Variants in RGS7 observed in about 807,000 individuals in gnomAD.
RGS7 encodes the protein regulator of G protein signaling 7.
In RGS7, 27 loss-of-function variants were observed where a neutral mutation model predicts 81.1. That is an observed-to-expected ratio of 0.33 (90% CI 0.25 to 0.46). The LOEUF (loss-of-function observed/expected upper bound fraction) is 0.46, where lower values mean the gene tolerates loss of function less well. RGS7 is among the 20% of genes least tolerant of loss of function. The pLI, the probability that RGS7 is intolerant of heterozygous loss-of-function variation, is 1.00. For missense variants in RGS7, 396 were observed against 607.4 expected (o/e 0.65, Z 3.66); for synonymous variants, 208 against 207.7 (o/e 1.00, Z -0.01).
chr1:241,356,117 C>G (rs1392759795), intron 1 of RGS7, among the ~76,000 whole-genome samples: 1 of 152,050 alleles, frequency 6.6e-6, no homozygotes, highest in Non-Finnish European at 1.5e-5. Context: ...CCTAAAAACT[C>G]GTGGGTAGCA....
At chr1:241,259,667 A>AAAAATATATATATAT in intron 2 of RGS7, among the ~76,000 whole-genome samples, 10 of 49,142 alleles carry the variant, frequency 2.0e-4, no homozygotes, top group African/African-American at 7.9e-4. Context: ...AAAAAAAAAA[A>AAAAATATATATATAT]ATATATATAT....
At chr1:240,864,955 A>ATT (rs71568972) in intron 9 of RGS7, among the ~76,000 whole-genome samples, 5 of 145,702 alleles carry the variant, frequency 3.4e-5, no homozygotes, top group South Asian at 2.2e-4. Context: ...TCCATATTCC[A>ATT]TTTTTTTTTT....
chr1:241,078,299 CTCTG>C (rs1442947417), intron 3 of RGS7, among the ~76,000 whole-genome samples: 16 of 122,890 alleles, frequency 1.3e-4, no homozygotes, highest in East Asian at 4.6e-4. Flanking sequence ...TGCTTCTGGT[CTCTG>C]TGTGTGTGTG....
chr1:241,349,313 TA>T (rs1418193438), intron 2 of RGS7, among the ~76,000 whole-genome samples: 4 of 152,204 alleles, frequency 2.6e-5, no homozygotes, highest in Non-Finnish European at 4.4e-5. Context: ...AGAAAACTTT[TA>T]CTTGTCAATC....
At chr1:240,924,027 A>G (rs1008839738) in intron 6 of RGS7, among the ~76,000 whole-genome samples, 29 of 152,082 alleles carry the variant, frequency 1.9e-4, no homozygotes, top group Admixed American at 5.9e-4. Flanking sequence ...CATGTATTTG[A>G]TCTCTTTAGT....
At chr1:241,005,510 C>T (rs1396574272) in intron 3 of RGS7, among the ~76,000 whole-genome samples, 1 of 152,012 alleles carries the variant, frequency 6.6e-6, no homozygotes, top group African/African-American at 2.4e-5. Context: ...TCACACTATG[C>T]ACTTGCTAGC....
At chr1:241,332,319 T>C (rs1220051990) in intron 2 of RGS7, among the ~76,000 whole-genome samples, 1 of 152,196 alleles carries the variant, frequency 6.6e-6, no homozygotes, top group African/African-American at 2.4e-5. Context: ...CCATGATTGA[T>C]GTTTTGGTGT....
intron 2 of RGS7, among the ~76,000 whole-genome samples, chr1:241,198,450 C>A (rs116032024): frequency 0.011 from 1,622 of 151,930 alleles, 14 homozygotes; most frequent in African/African-American, 0.022. Context: ...CTTGTCAATA[C>A]CCTGATCATA....
In RGS7 at chr1:240,868,487, C is replaced by T. The variant is rs1360847638; in HGVS notation, c.609+100G>A. 6.3e-6 allele frequency: 6 copies of T among 956,754 alleles called. No individual in the cohort carries two copies. The East Asian group carries it at 9.5e-5, about 15-fold the overall frequency. The allele number at this position is 956,754 out of a possible 1,614,324, so 59.3% of individuals were successfully genotyped here. A position where few individuals can be genotyped will look rare whatever the true frequency, so the allele number is the denominator to read the frequency against. On this transcript the variant is annotated intron_variant, in intron 9 of 18. Coordinates refer to ENST00000440928, the MANE Select transcript of RGS7 (RefSeq NM_001364886.1). This position sits in a 1 kb window ranked among gnomAD's most constrained non-coding sequence, Gnocchi z 5.1. Reference sequence around the variant, plus strand: ...ATTCACCAAGATACCATGGAGCGTGCATGGGGTCACTACAGTCTTTCACTT... The same window carrying T: ...ATTCACCAAGATACCATGGAGCGTGTATGGGGTCACTACAGTCTTTCACTT...
chr1:241,050,855 C>A (rs2061211387), intron 3 of RGS7, among the ~76,000 whole-genome samples: 1 of 152,068 alleles, frequency 6.6e-6, no homozygotes, highest in African/African-American at 2.4e-5. Context: ...GTATATGATA[C>A]ATATAACATA....
rs1415608040 is a variant in RGS7 at position 240,944,308 on chromosome 1, A to G, written c.227-7602T>C. Among the ~76,000 whole-genome samples the G allele has an allele frequency of 3.2e-3, 424 of 130,856 alleles. 18 individuals carry two copies. Among genetic ancestry groups the G allele is most frequent in the African/African-American group, 9.0e-3 (313 of 34,586 alleles). The allele number at this position is 130,856 out of a possible 152,430, so 85.8% of individuals were successfully genotyped here. On this transcript the variant is annotated intron_variant, in intron 4 of 18. Transcript: ENST00000440928. ...TATATATATATATATATATATATATATATATATATATATATATATATATAT... is the reference window on the plus strand; with the variant it reads ...TATATATATATATATATATATATATGTATATATATATATATATATATATAT...
intron 4 of RGS7, among the ~76,000 whole-genome samples, chr1:240,951,027 T>C (rs1679468927): frequency 6.6e-6 from 1 of 151,686 alleles, no homozygotes; most frequent in Admixed American, 6.6e-5. Flanking sequence ...GCTCAAGCAA[T>C]CCTCCCAACT....
chr1:241,082,372 G>C (rs1014595722), intron 3 of RGS7, among the ~76,000 whole-genome samples: 1 of 152,180 alleles, frequency 6.6e-6, no homozygotes, highest in Non-Finnish European at 1.5e-5. Flanking sequence ...CAGTCCCTGA[G>C]ACTAGAATAT....
At chr1:240,811,528 T>C (rs1283824917) in intron 14 of RGS7, among the ~76,000 whole-genome samples, 1 of 152,246 alleles carries the variant, frequency 6.6e-6, no homozygotes, top group East Asian at 1.9e-4. Flanking sequence ...TCTAACTTGC[T>C]TGAGAAGTGA....
At chr1:240,872,201 A>G (rs1199112224) in intron 6 of RGS7, among the ~76,000 whole-genome samples, 1 of 152,226 alleles carries the variant, frequency 6.6e-6, no homozygotes, top group Non-Finnish European at 1.5e-5. Context: ...GAATTAACAA[A>G]TGAATGAATA....
chr1:241,209,176 G>C (rs1239142428), intron 2 of RGS7, among the ~76,000 whole-genome samples: 1 of 152,156 alleles, frequency 6.6e-6, no homozygotes, highest in East Asian at 1.9e-4. Context: ...CACTGTCTGA[G>C]GCACTGTCCA....
chr1:241,174,011 T>TG (rs1258682726), intron 2 of RGS7, among the ~76,000 whole-genome samples: 1 of 152,200 alleles, frequency 6.6e-6, no homozygotes. Context: ...CTAACACTCA[T>TG]GATATACAGA....
At chr1:240,977,278 C>A (rs549861766) in intron 4 of RGS7, among the ~76,000 whole-genome samples, 1 of 152,100 alleles carries the variant, frequency 6.6e-6, no homozygotes, top group Non-Finnish European at 1.5e-5. Context: ...AATTTTCCTC[C>A]CTATGAAATC....
chr1:241,191,067 C>T (rs1043453956), intron 2 of RGS7, among the ~76,000 whole-genome samples: 2 of 152,016 alleles, frequency 1.3e-5, no homozygotes, highest in South Asian at 2.1e-4. Context: ...CTGCAACCTC[C>T]GCCTCCTGGG....
Sources: allele counts gnomAD v4.1 joint callset (sites outside exome capture counted in the v4.1 genomes callset), GRCh38; gene constraint gnomAD v4.1.1; non-coding constraint Gnocchi (gnomAD v3.1); transcripts MANE v1.5; gene names NCBI Gene and HGNC (gene_info 2026-07-23, HGNC 2026-07-21).